Variants in ADAM22 observed in about 807,000 individuals in gnomAD.
ADAM22 encodes the protein ADAM metallopeptidase domain 22.
ADAM22 carries 65 observed loss-of-function variants against 144.6 expected under a neutral mutation model. That is an observed-to-expected ratio of 0.45 (90% CI 0.37 to 0.55). The LOEUF is 0.55. ADAM22 is among the 20% of genes least tolerant of loss of function. ADAM22 has a pLI of 0.00. For missense variants in ADAM22, 974 were observed against 1,184.9 expected, an observed-to-expected ratio of 0.82 and a Z score of 2.61; for synonymous variants, 391 against 412.6, an observed-to-expected ratio of 0.95 and a Z score of 0.63.
At chr7:88,152,303 T>G (rs958618961) in intron 20 of ADAM22, among the ~76,000 whole-genome samples, 1 of 152,222 alleles carries the variant, frequency 6.6e-6, no homozygotes, top group Admixed American at 6.5e-5. Flanking sequence ...TTAGTTTGCA[T>G]TTTGTCCTAA....
Position 88,143,018 on chromosome 7 carries a change from T to C in ADAM22, c.1221-8T>C. On this transcript the variant is annotated splice_region_variant and splice_polypyrimidine_tract_variant and intron_variant, in intron 14 of 31. Coordinates refer to ENST00000413139, the MANE Select transcript of ADAM22 (RefSeq NM_001324418.2). ...GAACCCAGCTATTGCTTTTCTTCTCTTTTATAGCTATTATCTTCCTAAAAA... is the reference window on the plus strand; with the variant it reads ...GAACCCAGCTATTGCTTTTCTTCTCCTTTATAGCTATTATCTTCCTAAAAA... 6.4e-7 allele frequency: 1 copy of C among 1,570,098 alleles called. No homozygotes were observed. The highest frequency in any genetic ancestry group is 2.2e-5 in the East Asian group (1 of 44,546).
chr7:88,084,143 A>G (rs1817759117), intron 4 of ADAM22, among the ~76,000 whole-genome samples: 1 of 152,312 alleles, frequency 6.6e-6, no homozygotes, highest in South Asian at 2.1e-4. Context: ...GACCCAGCAG[A>G]CAGCTCTCTG....
intron 2 of ADAM22, among the ~76,000 whole-genome samples, chr7:87,953,618 GT>G (rs1372320096): frequency 6.6e-6 from 1 of 152,200 alleles, no homozygotes; most frequent in Non-Finnish European, 1.5e-5. Flanking sequence ...TGTATGTTCT[GT>G]TGATTTGGGG....
At chr7:87,976,346 C>G (rs1851890558) in intron 2 of ADAM22, among the ~76,000 whole-genome samples, 1 of 152,048 alleles carries the variant, frequency 6.6e-6, no homozygotes, top group Non-Finnish European at 1.5e-5. Flanking sequence ...AAGGGTGGGA[C>G]CCTAATCCAA....
chr7:87,952,867 T>A (rs1210640148), intron 2 of ADAM22, among the ~76,000 whole-genome samples: 3 of 152,254 alleles, frequency 2.0e-5, no homozygotes, highest in Non-Finnish European at 4.4e-5. Flanking sequence ...CGGTTTAGTC[T>A]TGGGAGGGTG....
chr7:88,102,377 C>T (rs2237541), intron 4 of ADAM22, among the ~76,000 whole-genome samples: 58,957 of 151,966 alleles, frequency 0.39, 13,387 homozygotes, highest in East Asian at 0.84. Context: ...TTCTGAGAGT[C>T]AGTTCTGGGA....
intron 4 of ADAM22, among the ~76,000 whole-genome samples, chr7:88,103,676 G>A (rs1823564245): frequency 2.0e-5 from 3 of 152,258 alleles, no homozygotes; most frequent in South Asian, 4.1e-4. Flanking sequence ...CTGATAAAGA[G>A]CCCAACTCTG....
At chr7:88,019,460 G>A (rs1797251124) in intron 3 of ADAM22, among the ~76,000 whole-genome samples, 1 of 152,116 alleles carries the variant, frequency 6.6e-6, no homozygotes, top group South Asian at 2.1e-4. Flanking sequence ...GGGCGACAGA[G>A]TGAAATGCTG....
At chr7:88,080,084 C>T (rs905838167) in intron 4 of ADAM22, among the ~76,000 whole-genome samples, 8 of 152,076 alleles carry the variant, frequency 5.3e-5, no homozygotes, top group African/African-American at 1.4e-4. Context: ...CAAAATTGAC[C>T]ACATAGTTGG....
chr7:88,042,147 G>T lies in ADAM22; in HGVS notation c.324-33479G>T, dbSNP rs150938574. ...ATCTAAGAAGAAAGTTTATCTTCAG[G>T]GGAGGGCTTTCTCACTGTTTTCCAT... On this transcript the variant is annotated intron_variant, in intron 3 of 31. Transcript: ENST00000413139. Among the ~76,000 whole-genome samples, 776 of 152,028 alleles carry T rather than the reference G, an allele frequency of 5.1e-3. 13 individuals carry two copies. Among genetic ancestry groups the T allele is most frequent in the East Asian group, 0.041 (213 of 5,180 alleles).
intron 2 of ADAM22, among the ~76,000 whole-genome samples, chr7:87,977,882 A>G (rs991699902): frequency 6.6e-6 from 1 of 152,226 alleles, no homozygotes; most frequent in African/African-American, 2.4e-5. Context: ...TTTAAAGTAT[A>G]TCTTTGTGAT....
intron 3 of ADAM22, among the ~76,000 whole-genome samples, chr7:88,019,042 A>G (rs1485208338): frequency 6.6e-6 from 1 of 151,978 alleles, no homozygotes. Flanking sequence ...ATTTTTTGCC[A>G]TCTATAAAAA....
chr7:88,135,072 G>C (rs549658370), intron 13 of ADAM22, among the ~76,000 whole-genome samples: 169 of 152,030 alleles, frequency 1.1e-3, no homozygotes, highest in African/African-American at 3.9e-3. Flanking sequence ...GAGGTCAGGT[G>C]TTCGAGACCA....
intron 3 of ADAM22, among the ~76,000 whole-genome samples, chr7:87,982,701 T>A (rs1328758922): frequency 0.012 from 396 of 33,784 alleles, 17 homozygotes; most frequent in African/African-American, 0.038. Context: ...ATATATATAA[T>A]TTTTTTTTTT....
At chr7:88,148,955 C>A (rs554920539) in intron 17 of ADAM22, 22 bp from the exon 18 acceptor site, 1 of 1,578,764 alleles carries the variant, frequency 6.3e-7, no homozygotes, top group Non-Finnish European at 8.7e-7. Context: ...CAGTTTCACA[C>A]GTTGATTTTT....
intron 4 of ADAM22, among the ~76,000 whole-genome samples, chr7:88,093,157 T>G (rs1245239674): frequency 3.3e-5 from 5 of 152,190 alleles, no homozygotes; most frequent in Non-Finnish European, 5.9e-5. Context: ...ACTAACCTTT[T>G]CATTATAGAA....
At chr7:88,048,492 A>C (rs1805298344) in intron 3 of ADAM22, among the ~76,000 whole-genome samples, 1 of 152,108 alleles carries the variant, frequency 6.6e-6, no homozygotes, top group African/African-American at 2.4e-5. Flanking sequence ...CTAAATTTTT[A>C]TTAATCTTTT....
chr7:88,066,529 T>TGA, intron 3 of ADAM22, among the ~76,000 whole-genome samples: 1 of 152,294 alleles, frequency 6.6e-6, no homozygotes, highest in African/African-American at 2.4e-5. Flanking sequence ...GTTGGATATA[T>TGA]GATTCTGGTG....
At chr7:88,038,787 T>TC (rs1425843250) in intron 3 of ADAM22, among the ~76,000 whole-genome samples, 10 of 143,730 alleles carry the variant, frequency 7.0e-5, no homozygotes, top group Admixed American at 1.4e-4. Context: ...TTCTTCTTCT[T>TC]TTTTTTTTTT....
Sources: allele counts gnomAD v4.1 joint callset (sites outside exome capture counted in the v4.1 genomes callset), GRCh38; gene constraint gnomAD v4.1.1; transcripts MANE v1.5; gene names NCBI Gene and HGNC (gene_info 2026-07-23, HGNC 2026-07-21).